The following CDH10 variants were observed in gnomAD, a reference collection of about 807,000 sequenced individuals.
The protein encoded by CDH10 is cadherin-10.
Under a neutral mutation model 73.1 loss-of-function variants are expected in CDH10, and 30 were observed. That is an observed-to-expected ratio of 0.41 (90% CI 0.31 to 0.56). The LOEUF (loss-of-function observed/expected upper bound fraction) is 0.56, where lower values mean the gene tolerates loss of function less well. CDH10 is among the 20% of genes least tolerant of loss of function. The pLI, the probability that CDH10 is intolerant of heterozygous loss-of-function variation, is 0.27. For synonymous variants in CDH10, 345 were observed against 348.2 expected, an observed-to-expected ratio of 0.99 and a Z score of 0.10; for missense variants, 815 against 973.7, an observed-to-expected ratio of 0.84 and a Z score of 2.17.
intron 2 of CDH10, among the ~76,000 whole-genome samples, chr5:24,561,511 C>T (rs1223673116): frequency 2.0e-5 from 3 of 152,094 alleles, no homozygotes; most frequent in Non-Finnish European, 4.4e-5. Flanking sequence ...AGTGAGCCAT[C>T]GTTCGCGACC....
Position 24,488,564 on chromosome 5 carries a change from C to T in CDH10, c.1877-411G>A, listed in dbSNP as rs143386558. Among the ~76,000 whole-genome samples the T allele has an allele frequency of 1.0e-3, 155 of 152,104 alleles. 1 individual carries two copies. The highest frequency in any genetic ancestry group is 6.8e-3 in the Middle Eastern group (2 of 294). ...CTTCAAGTAAGACAATTTAAAAGGA[C>T]AACACGATGCTTACTTTTTTCAAAG... On this transcript the variant is annotated intron_variant, in intron 11 of 11. Transcript: ENST00000264463.
chr5:24,616,538 T>C (rs1390015589), intron 1 of CDH10, among the ~76,000 whole-genome samples: 1 of 152,076 alleles, frequency 6.6e-6, no homozygotes, highest in Non-Finnish European at 1.5e-5. Flanking sequence ...GAAAAGGCTA[T>C]TAGTAGATTG....
chr5:24,590,176 G>T (rs1298814218), intron 2 of CDH10, among the ~76,000 whole-genome samples: 1 of 151,754 alleles, frequency 6.6e-6, no homozygotes, highest in East Asian at 1.9e-4. Flanking sequence ...TAAATGTTTT[G>T]AATTGAGCAT....
chr5:24,512,594 G>A (rs1006579861), intron 5 of CDH10, among the ~76,000 whole-genome samples: 2 of 152,144 alleles, frequency 1.3e-5, no homozygotes, highest in Non-Finnish European at 1.5e-5. Context: ...CAGTGTCAGA[G>A]TGAAAACACT....
At chr5:24,542,137 A>G (rs1260778218) in intron 2 of CDH10, among the ~76,000 whole-genome samples, 1 of 152,160 alleles carries the variant, frequency 6.6e-6, no homozygotes, top group Non-Finnish European at 1.5e-5. Flanking sequence ...TGAAATTTAT[A>G]AGTTAAAGGG....
intron 2 of CDH10, among the ~76,000 whole-genome samples, chr5:24,573,350 T>G (rs572306165): frequency 6.6e-6 from 1 of 151,590 alleles, no homozygotes; most frequent in Non-Finnish European, 1.5e-5. Context: ...GAGAGAAAAA[T>G]GAAGCAATGA....
At chr5:24,585,807 T>C (rs547283054) in intron 2 of CDH10, among the ~76,000 whole-genome samples, 20 of 152,326 alleles carry the variant, frequency 1.3e-4, no homozygotes, top group African/African-American at 4.8e-4. Context: ...TTTTTTTCTC[T>C]TTATTGTGTC....
intron 2 of CDH10, among the ~76,000 whole-genome samples, chr5:24,563,110 CAT>C (rs1745020474): frequency 6.6e-6 from 1 of 152,174 alleles, no homozygotes; most frequent in Non-Finnish European, 1.5e-5. Flanking sequence ...CACCTCAAAT[CAT>C]GTGCTACATT....
intron 2 of CDH10, among the ~76,000 whole-genome samples, chr5:24,572,693 A>G (rs1234825722): frequency 6.6e-6 from 1 of 152,058 alleles, no homozygotes; most frequent in Non-Finnish European, 1.5e-5. Context: ...TATGTATGAG[A>G]CTAAAAGAGG....
chr5:24,498,787 T>C (rs1425513898), intron 8 of CDH10, among the ~76,000 whole-genome samples: 1 of 152,242 alleles, frequency 6.6e-6, no homozygotes, highest in Non-Finnish European at 1.5e-5. Context: ...GTTCACACTA[T>C]ATTTGCGTCC....
At chr5:24,528,960 T>C (rs955701726) in intron 5 of CDH10, among the ~76,000 whole-genome samples, 1 of 152,000 alleles carries the variant, frequency 6.6e-6, no homozygotes. Context: ...AGATTTATGT[T>C]GGTGCAAAAG....
intron 1 of CDH10, among the ~76,000 whole-genome samples, chr5:24,596,971 G>A (rs1347536001): frequency 3.3e-5 from 5 of 152,048 alleles, no homozygotes; most frequent in African/African-American, 9.6e-5. Flanking sequence ...AAGGAATCAG[G>A]TGGGTTGAAA....
chr5:24,597,536 T>A (rs1746414561), intron 1 of CDH10, among the ~76,000 whole-genome samples: 2 of 152,104 alleles, frequency 1.3e-5, no homozygotes, highest in African/African-American at 4.8e-5. Context: ...CACGTTTTTT[T>A]AACCAGAGGA....
chr5:24,642,388 G>T (rs554644227), intron 1 of CDH10, among the ~76,000 whole-genome samples: 2 of 152,112 alleles, frequency 1.3e-5, no homozygotes, highest in Admixed American at 6.6e-5. Context: ...TAAAGGTCAA[G>T]AAATTCACCC....
chr5:24,532,046 A>G (rs1054554820), intron 5 of CDH10, among the ~76,000 whole-genome samples: 1 of 152,078 alleles, frequency 6.6e-6, no homozygotes, highest in African/African-American at 2.4e-5. Flanking sequence ...ATGGCTAGGG[A>G]GGGCAAAATT....
Position 24,509,677 on chromosome 5 carries a change from G to A in CDH10, c.1145C>T (p.Pro382Leu). ...KISIEDVDEP[P>L]VFSRSSYLFE... is the part of the protein sequence containing the mutation. Reference sequence around the variant, plus strand: ...CAGATAGGAGGACCTACTAAAAACAGGAGGTTCATCCACATCTTCTATAGA... The same window carrying A: ...CAGATAGGAGGACCTACTAAAAACAAGAGGTTCATCCACATCTTCTATAGA... The change falls in exon 7 of 12, where the codon CCT becomes CTT. Residue 382 changes from proline to leucine, a missense_variant. This residue lies in a region of CDH10 where 516 missense variants were observed against 636.6 expected (regional missense o/e 0.81). Coordinates refer to ENST00000264463, the MANE Select transcript of CDH10 (RefSeq NM_006727.5). The A allele has an allele frequency of 6.2e-7, 1 of 1,613,680 alleles. No homozygotes were observed. Among genetic ancestry groups the A allele is most frequent in the Non-Finnish European group, 8.5e-7 (1 of 1,179,594 alleles).
chr5:24,539,786 A>G (rs1192483352), intron 2 of CDH10, among the ~76,000 whole-genome samples: 1 of 152,100 alleles, frequency 6.6e-6, no homozygotes. Context: ...AAAAAAAGTC[A>G]CAAGACTGAT....
At chr5:24,569,441 ATTGAT>A (rs1461929496) in intron 2 of CDH10, among the ~76,000 whole-genome samples, 1 of 150,538 alleles carries the variant, frequency 6.6e-6, no homozygotes, top group African/African-American at 2.4e-5. Flanking sequence ...TTAGAAGCAT[ATTGAT>A]TTAATAAACT....
intron 8 of CDH10, 121 bp downstream of exon 8, chr5:24,504,991 T>C: frequency 2.8e-6 from 2 of 710,160 alleles, no homozygotes; most frequent in Non-Finnish European, 4.5e-6. Context: ...AAAATTCATC[T>C]GTCCAATGAG....
Sources: allele counts gnomAD v4.1 joint callset (sites outside exome capture counted in the v4.1 genomes callset), GRCh38; gene constraint gnomAD v4.1.1; regional missense constraint gnomAD v4.1.1; transcripts MANE v1.5; gene names NCBI Gene and HGNC (gene_info 2026-07-23, HGNC 2026-07-21).